Variants in CTNNA3 observed in about 807,000 individuals in gnomAD.
CTNNA3 encodes the protein catenin alpha 3.
Under a neutral mutation model 95.7 loss-of-function variants are expected in CTNNA3, and 76 were observed. The observed-to-expected ratio is 0.79, with a 90% CI of 0.66 to 0.96. CTNNA3 has a LOEUF of 0.96. Among genes scored for constraint, CTNNA3 ranks in the 40% least tolerant of loss-of-function variants. CTNNA3 has a pLI of 0.00. For synonymous variants in CTNNA3, 431 were observed against 374.4 expected, an observed-to-expected ratio of 1.15 and a Z score of -1.74; for missense variants, 1,191 against 1,089.8, an observed-to-expected ratio of 1.09 and a Z score of -1.31.
intron 7 of CTNNA3, among the ~76,000 whole-genome samples, chr10:66,865,751 C>G (rs1589353379): frequency 1.3e-5 from 2 of 151,912 alleles, no homozygotes; most frequent in Admixed American, 1.3e-4. Context: ...GCTCAAATCA[C>G]TAGATATCAA....
At chr10:66,000,945 C>T (rs933383906) in intron 15 of CTNNA3, among the ~76,000 whole-genome samples, 1 of 151,958 alleles carries the variant, frequency 6.6e-6, no homozygotes, top group Non-Finnish European at 1.5e-5. Flanking sequence ...TAAAACATAT[C>T]GAGTTAAAAA....
At chr10:66,059,686 CA>C (rs1481917408) in intron 15 of CTNNA3, among the ~76,000 whole-genome samples, 2 of 151,982 alleles carry the variant, frequency 1.3e-5, no homozygotes, top group African/African-American at 4.8e-5. Flanking sequence ...ATACCAAGGA[CA>C]AGGACAGTAC....
intron 7 of CTNNA3, among the ~76,000 whole-genome samples, chr10:66,968,521 TAAA>T: frequency 6.6e-6 from 1 of 151,850 alleles, no homozygotes; most frequent in East Asian, 1.9e-4. Flanking sequence ...AGTTCATATC[TAAA>T]AAAACGTGGT....
intron 7 of CTNNA3, among the ~76,000 whole-genome samples, chr10:66,920,885 C>T (rs140551446): frequency 1.9e-4 from 29 of 152,184 alleles, no homozygotes; most frequent in East Asian, 3.9e-4. Context: ...AAATATATCC[C>T]GAATCTAACC....
Position 67,299,308 on chromosome 10 carries a change from A to T in CTNNA3, c.580-79438T>A, listed in dbSNP as rs181089005. On this transcript the variant is annotated intron_variant, in intron 5 of 17. Coordinates refer to ENST00000433211, the MANE Select transcript of CTNNA3 (RefSeq NM_013266.4). Reference sequence around the variant, plus strand: ...CTTCATTACATGGATCAAGAAACCAACGTGTTGATTCCACCAGTTACTAAT... The same window carrying T: ...CTTCATTACATGGATCAAGAAACCATCGTGTTGATTCCACCAGTTACTAAT... Among the ~76,000 whole-genome samples, 661 of 152,016 alleles carry T rather than the reference A, an allele frequency of 4.3e-3. 3 individuals carry two copies. Among genetic ancestry groups the T allele is most frequent in the Non-Finnish European group, 5.9e-3 (400 of 67,982 alleles).
At chr10:67,015,683 G>A (rs756242704) in intron 7 of CTNNA3, among the ~76,000 whole-genome samples, 2 of 152,102 alleles carry the variant, frequency 1.3e-5, no homozygotes, top group Non-Finnish European at 2.9e-5. Flanking sequence ...ACTTCAATTT[G>A]AAGATTCAAA....
chr10:67,758,287 T>TAC (rs1841444174), intron 1 of CTNNA3, among the ~76,000 whole-genome samples: 1 of 142,628 alleles, frequency 7.0e-6, no homozygotes, highest in African/African-American at 2.6e-5. Context: ...TGTATATGTA[T>TAC]ATACACACAC....
At chr10:66,817,165 G>C (rs1393590543) in intron 7 of CTNNA3, among the ~76,000 whole-genome samples, 1 of 151,750 alleles carries the variant, frequency 6.6e-6, no homozygotes, top group Non-Finnish European at 1.5e-5. Flanking sequence ...AAATCACCAC[G>C]AAAGAACTTA....
At chr10:67,091,452 T>C (rs976219754) in intron 7 of CTNNA3, among the ~76,000 whole-genome samples, 11 of 151,722 alleles carry the variant, frequency 7.3e-5, no homozygotes, top group African/African-American at 2.7e-4. Context: ...CCCACTTCTT[T>C]CCAAAGACAA....
intron 9 of CTNNA3, among the ~76,000 whole-genome samples, chr10:66,729,957 T>C (rs1460943006): frequency 6.6e-6 from 1 of 151,322 alleles, no homozygotes; most frequent in Non-Finnish European, 1.5e-5. Context: ...ACAAAAAAAA[T>C]TAGCCAGGCG....
intron 7 of CTNNA3, among the ~76,000 whole-genome samples, chr10:66,928,670 A>G (rs993463924): frequency 6.6e-6 from 1 of 152,134 alleles, no homozygotes. Flanking sequence ...AAATACCACA[A>G]TCAATGTGAA....
At chr10:66,337,076 A>T (rs956988455) in intron 12 of CTNNA3, among the ~76,000 whole-genome samples, 6 of 152,180 alleles carry the variant, frequency 3.9e-5, no homozygotes, top group African/African-American at 1.4e-4. Flanking sequence ...TACTCTTCTC[A>T]TTATTTTGTT....
In CTNNA3 at chr10:67,556,403, A is replaced by G. The variant is rs1006857158; in HGVS notation, c.293-16734T>C. The stretch of plus-strand genomic sequence containing the variant: ...TGGTCCTGGAATTTTTTTGTTTGGT[A>G]GGCTCTTAATTATTGCCTCAATTTC... On this transcript the variant is annotated intron_variant, in intron 3 of 17. Transcript: ENST00000433211. Among the ~76,000 whole-genome samples, 19 of 152,118 alleles carry G rather than the reference A, an allele frequency of 1.2e-4. 1 individual carries two copies. Among genetic ancestry groups the G allele is most frequent in the South Asian group, 8.3e-4 (4 of 4,826 alleles).
intron 7 of CTNNA3, among the ~76,000 whole-genome samples, chr10:66,789,238 G>C (rs935418268): frequency 1.3e-5 from 2 of 152,020 alleles, no homozygotes; most frequent in African/African-American, 4.8e-5. Context: ...GTGCAGTGGT[G>C]CGATCTCGGC....
intron 15 of CTNNA3, among the ~76,000 whole-genome samples, chr10:66,029,920 T>C (rs2079417344): frequency 6.6e-6 from 1 of 152,160 alleles, no homozygotes; most frequent in Non-Finnish European, 1.5e-5. Context: ...ATGAGCAATG[T>C]TCATAGTCCA....
chr10:67,303,573 A>G (rs2132504976), intron 5 of CTNNA3, among the ~76,000 whole-genome samples: 1 of 152,332 alleles, frequency 6.6e-6, no homozygotes, highest in African/African-American at 2.4e-5. Context: ...AATTTAAAAT[A>G]TTTTGCAATT....
chr10:65,995,429 T>C (rs1356777672), intron 15 of CTNNA3, among the ~76,000 whole-genome samples: 1 of 152,176 alleles, frequency 6.6e-6, no homozygotes, highest in African/African-American at 2.4e-5. Context: ...GCCTCAGTGG[T>C]ATCTGTGATT....
intron 12 of CTNNA3, among the ~76,000 whole-genome samples, chr10:66,340,460 C>G (rs556408500): frequency 6.6e-6 from 1 of 151,818 alleles, no homozygotes. Flanking sequence ...ACGTACTCCA[C>G]TAGACAGATA....
At chr10:67,190,962 T>C (rs1021022186) in intron 6 of CTNNA3, among the ~76,000 whole-genome samples, 5 of 151,966 alleles carry the variant, frequency 3.3e-5, no homozygotes, top group Admixed American at 6.6e-5. Context: ...CTTAAACATA[T>C]ATACAGATAG....
Sources: allele counts gnomAD v4.1 joint callset (sites outside exome capture counted in the v4.1 genomes callset), GRCh38; gene constraint gnomAD v4.1.1; transcripts MANE v1.5; gene names NCBI Gene and HGNC (gene_info 2026-07-23, HGNC 2026-07-21).